Variants in DGKG observed in about 807,000 individuals in gnomAD.
The protein encoded by DGKG is diacylglycerol kinase gamma.
DGKG carries 78 observed loss-of-function variants against 105.3 expected under a neutral mutation model. That is an observed-to-expected ratio of 0.74 (90% CI 0.62 to 0.89). The LOEUF is 0.89. Among genes scored for constraint, DGKG ranks in the 40% least tolerant of loss-of-function variants. The pLI is 0.00. For missense variants in DGKG, 958 were observed against 1,020.1 expected (o/e 0.94, Z 0.83); for synonymous variants, 346 against 367.1 (o/e 0.94, Z 0.66).
intron 21 of DGKG, among the ~76,000 whole-genome samples, chr3:186,211,342 AT>A (rs1223144416): frequency 6.6e-6 from 1 of 152,152 alleles, no homozygotes; most frequent in Non-Finnish European, 1.5e-5. Flanking sequence ...AGATGTGAAA[AT>A]CAAGGCAGGT....
intron 1 of DGKG, among the ~76,000 whole-genome samples, chr3:186,322,343 C>T (rs947011625): frequency 1.3e-5 from 2 of 152,118 alleles, no homozygotes; most frequent in African/African-American, 4.8e-5. Flanking sequence ...CCAGATACAG[C>T]ACATCTTCAC....
Position 186,215,089 on chromosome 3 carries a change from G to A in DGKG, c.1827-3204C>T, listed in dbSNP as rs57185453. On this transcript the variant is annotated intron_variant, in intron 20 of 24. Coordinates refer to ENST00000265022, the MANE Select transcript of DGKG (RefSeq NM_001346.3). ...ACAGGAGCAAGACTGTGAAGGGTGGGCACGCCACACTCAGGGGTTTGTGCT... is the reference window on the plus strand; with the variant it reads ...ACAGGAGCAAGACTGTGAAGGGTGGACACGCCACACTCAGGGGTTTGTGCT... 6.9e-3 allele frequency among the ~76,000 whole-genome samples: 1,054 copies of A among 152,234 alleles called. 12 individuals are homozygous for A. The highest frequency in any genetic ancestry group is 0.025 in the African/African-American group (1,023 of 41,530).
chr3:186,350,785 T>C (rs1025638510), intron 1 of DGKG, among the ~76,000 whole-genome samples: 18 of 152,368 alleles, frequency 1.2e-4, no homozygotes, highest in Non-Finnish European at 2.4e-4. Flanking sequence ...ATATACATAA[T>C]AGCTATCCTA....
In DGKG at chr3:186,308,165, C is replaced by T. The variant is rs568364666; in HGVS notation, c.68-1188G>A. Among the ~76,000 whole-genome samples, 9 of 152,154 alleles carry T rather than the reference C, an allele frequency of 5.9e-5. No individual in the cohort carries two copies. In the South Asian group the frequency reaches 8.3e-4, roughly 14 times the overall value. ...GATAATTCATCAAACATGGTGTTTT[C>T]GAAAATGCTGCTTTCCATAGGAAAT... is the stretch of plus-strand genomic sequence containing the variant. On this transcript the variant is annotated intron_variant, in intron 2 of 24. Coordinates refer to ENST00000265022, the MANE Select transcript of DGKG (RefSeq NM_001346.3).
rs1482063413 is a variant in DGKG at position 186,226,555 on chromosome 3, A to G, written c.1827-14670T>C. Among the ~76,000 whole-genome samples the G allele has an allele frequency of 6.6e-6, 1 of 152,194 alleles. No individual in the cohort carries two copies. The highest frequency in any genetic ancestry group is 6.5e-5 in the Admixed American group (1 of 15,288). On this transcript the variant is annotated intron_variant, in intron 20 of 24. Coordinates refer to ENST00000265022, the MANE Select transcript of DGKG (RefSeq NM_001346.3). This position sits in a 1 kb window ranked among gnomAD's most constrained non-coding sequence, Gnocchi z 4.2. The stretch of plus-strand genomic sequence containing the variant: ...ATTACAACACTCTGTTGAGAGCTCC[A>G]ATAAAAGTTTCACTGAGATCAACAG...
intron 20 of DGKG, 64 bp downstream of exon 20, chr3:186,242,439 GA>G: frequency 7.1e-7 from 1 of 1,405,698 alleles, no homozygotes; most frequent in Non-Finnish European, 9.7e-7. Context: ...GAGAGCAGGT[GA>G]AAGGCCTCTG....
At chr3:186,272,727 T>A (rs903154157) in intron 10 of DGKG, among the ~76,000 whole-genome samples, 1 of 152,182 alleles carries the variant, frequency 6.6e-6, no homozygotes, top group African/African-American at 2.4e-5. Flanking sequence ...CAGGGCTTTT[T>A]TTTGTTTTGA....
At chr3:186,211,125 C>A (rs1366552774) in intron 21 of DGKG, among the ~76,000 whole-genome samples, 1 of 152,206 alleles carries the variant, frequency 6.6e-6, no homozygotes, top group Non-Finnish European at 1.5e-5. Context: ...AACACAAGTG[C>A]ACCAACAGGA....
chr3:186,267,806 G>A, intron 12 of DGKG, 29 bp from the exon 13 acceptor site: 1 of 1,597,678 alleles, frequency 6.3e-7, no homozygotes, highest in Non-Finnish European at 8.6e-7. Context: ...AAGAGAGTGA[G>A]TGAAAGTGAG....
intron 21 of DGKG, chr3:186,207,473 G>A (rs1348195250): frequency 2.0e-6 from 2 of 985,274 alleles, no homozygotes; most frequent in African/African-American, 1.7e-5. Context: ...TATGACACCT[G>A]CCACTTAGGG....
intron 19 of DGKG, 92 bp from the exon 20 acceptor site, chr3:186,242,660 A>T: frequency 1.8e-6 from 2 of 1,107,166 alleles, no homozygotes; most frequent in Non-Finnish European, 2.6e-6. Context: ...TCGCTGAGTC[A>T]TGCCAACCCT....
At chr3:186,259,265 C>T (rs970075277) in intron 16 of DGKG, among the ~76,000 whole-genome samples, 6 of 152,094 alleles carry the variant, frequency 3.9e-5, no homozygotes, top group Non-Finnish European at 7.3e-5. Context: ...TTAGAATACA[C>T]GAGGTGAAGC....
intron 7 of DGKG, among the ~76,000 whole-genome samples, chr3:186,283,663 C>T (rs73058010): frequency 0.05 from 7,659 of 152,308 alleles, 686 homozygotes; most frequent in African/African-American, 0.18. Flanking sequence ...GTTGGCTACA[C>T]TGCCATACCC....
intron 20 of DGKG, among the ~76,000 whole-genome samples, chr3:186,242,048 G>T (rs906137089): frequency 2.6e-5 from 4 of 152,148 alleles, no homozygotes; most frequent in Non-Finnish European, 4.4e-5. Flanking sequence ...GGTCCTCCTG[G>T]TCCAAGTCCC....
intron 20 of DGKG, among the ~76,000 whole-genome samples, chr3:186,235,835 C>T (rs1054919126): frequency 6.6e-6 from 1 of 152,108 alleles, no homozygotes; most frequent in Non-Finnish European, 1.5e-5. Flanking sequence ...TAGTCACATC[C>T]CCAGCATCTG....
intron 7 of DGKG, among the ~76,000 whole-genome samples, chr3:186,283,634 A>C (rs1429329916): frequency 6.6e-6 from 1 of 152,222 alleles, no homozygotes; most frequent in Non-Finnish European, 1.5e-5. Context: ...AAGCTTCATG[A>C]GGGCATGGAA....
Position 186,261,733 on chromosome 3 carries a change from C to T in DGKG, c.1315G>A (p.Val439Met). ...TPGTHPLLVL[V>M]NPKSGGRQGE... Reference sequence around the variant, plus strand: ...TGTCTCCCTCCACTCTTGGGGTTCACCAAGACCAGCAGGGGGTGGGTACCC... The same window carrying T: ...TGTCTCCCTCCACTCTTGGGGTTCATCAAGACCAGCAGGGGGTGGGTACCC... The change falls in exon 15 of 25, where the codon GTG (valine) becomes ATG (methionine). Residue 439 changes from valine to methionine, a missense_variant. Physicochemically the swap from Val to Met is conservative, Grantham distance 21 (BLOSUM62 1). This residue lies in a region of DGKG where 643 missense variants were observed against 619.5 expected (regional missense o/e 1.04). Transcript: ENST00000265022. 6.2e-7 allele frequency: 1 copy of T among 1,609,372 alleles called. No homozygotes were observed. Among genetic ancestry groups the T allele is most frequent in the Non-Finnish European group, 8.5e-7 (1 of 1,178,430 alleles).
intron 10 of DGKG, 80 bp downstream of exon 10, chr3:186,275,467 T>C: frequency 1.6e-6 from 2 of 1,239,398 alleles, no homozygotes; most frequent in South Asian, 1.3e-5. Flanking sequence ...AATACCAACA[T>C]TTTCTCTGCA....
chr3:186,303,435 A>G (rs1398187864), intron 3 of DGKG, among the ~76,000 whole-genome samples: 2 of 152,182 alleles, frequency 1.3e-5, no homozygotes, highest in Non-Finnish European at 2.9e-5. Flanking sequence ...TCCTGCTGCA[A>G]CACACTTAAA....
Sources: allele counts gnomAD v4.1 joint callset (sites outside exome capture counted in the v4.1 genomes callset), GRCh38; gene constraint gnomAD v4.1.1; regional missense constraint gnomAD v4.1.1; non-coding constraint Gnocchi (gnomAD v3.1); transcripts MANE v1.5; gene names NCBI Gene and HGNC (gene_info 2026-07-23, HGNC 2026-07-21).